Variants in ABHD16A observed in about 807,000 individuals in gnomAD.
The protein encoded by ABHD16A is phosphatidylserine lipase ABHD16A.
ABHD16A carries 47 observed loss-of-function variants against 89.8 expected under a neutral mutation model. The ratio of observed to expected loss-of-function variants is 0.52; its 90% CI spans 0.41 to 0.67. The LOEUF (loss-of-function observed/expected upper bound fraction) is 0.67, where lower values mean the gene tolerates loss of function less well. Among genes scored for constraint, ABHD16A ranks in the 30% least tolerant of loss-of-function variants. The pLI is 0.00. For missense variants in ABHD16A, 580 were observed against 734.6 expected (o/e 0.79, Z 2.43); for synonymous variants, 251 against 280.4 (o/e 0.90, Z 1.05).
At chr6:31,701,367 A>T in intron 2 of ABHD16A, 27 bp from the exon 3 acceptor site, 1 of 1,535,566 alleles carries the variant, frequency 6.5e-7, no homozygotes, top group African/African-American at 1.7e-5. Context: ...GGGACAGGCA[A>T]TCAATACACA....
In ABHD16A at chr6:31,689,562, A is replaced by G; in HGVS notation, c.1081+19T>C. ...GTCATGAATGTGTCTACAGTGGGGG[A>G]TGGGAGGGAGGCTGGTACCAGTGAA... is the stretch of plus-strand genomic sequence containing the variant. On this transcript the variant is annotated intron_variant, in intron 12 of 19. Coordinates refer to ENST00000395952, the MANE Select transcript of ABHD16A (RefSeq NM_021160.3). 1 of 1,566,406 alleles carries G rather than the reference A, an allele frequency of 6.4e-7. No homozygotes were observed. Among genetic ancestry groups the G allele is most frequent in the Non-Finnish European group, 8.6e-7 (1 of 1,156,254 alleles).
chr6:31,694,257 A>G (rs9469036), intron 5 of ABHD16A, among the ~76,000 whole-genome samples: 3,117 of 151,110 alleles, frequency 0.021, 80 homozygotes, highest in African/African-American at 0.058. Context: ...AGGTCTTACT[A>G]TGTTGCCCAG....
At chr6:31,691,957 A>G (rs1204504515) in intron 7 of ABHD16A, 39 bp from the exon 8 acceptor site, 1 of 1,506,732 alleles carries the variant, frequency 6.6e-7, no homozygotes, top group Non-Finnish European at 9.0e-7. Context: ...AACCCTGTTG[A>G]GGCCTGGGGA....
intron 11 of ABHD16A, 31 bp from the exon 12 acceptor site, chr6:31,689,735 G>A: frequency 6.3e-7 from 1 of 1,592,300 alleles, no homozygotes; most frequent in Non-Finnish European, 8.6e-7. Flanking sequence ...TCAGGAGTGT[G>A]TCAGCACCAA....
chr6:31,692,930 T>A (rs1804034437), intron 7 of ABHD16A, 97 bp downstream of exon 7: 1 of 1,528,530 alleles, frequency 6.5e-7, no homozygotes, highest in African/African-American at 1.4e-5. Context: ...CTAGGCCCAA[T>A]GAGTGACAGC....
Position 31,688,537 on chromosome 6 carries a change from G to T in ABHD16A, c.1250+186C>A. On this transcript the variant is annotated intron_variant, in intron 14 of 19. Transcript: ENST00000395952. The surrounding 1 kb of genome is among the most constrained non-coding windows in gnomAD (Gnocchi z 4.9). ...CTTAACCCTTTGGTTGCCAGATCCT[G>T]AGGTGGTCCAGAGTCCCAGGGGACC... 2.4e-6 allele frequency: 2 copies of T among 827,478 alleles called. No homozygotes were observed. The highest frequency in any genetic ancestry group is 1.9e-6 in the Non-Finnish European group (1 of 532,364). 51.3% of individuals were successfully genotyped at this position (827,478 alleles called of 1,614,324 possible).
intron 1 of ABHD16A, chr6:31,702,808 C>T: frequency 2.1e-6 from 3 of 1,423,068 alleles, no homozygotes; most frequent in Non-Finnish European, 2.8e-6. Flanking sequence ...AGTCTGACAG[C>T]AAAATTCAAC....
Position 31,688,523 on chromosome 6 carries a change from G to T in ABHD16A, c.1250+200C>A. 1.3e-6 allele frequency: 1 copy of T among 796,636 alleles called. No homozygotes were observed. The highest frequency in any genetic ancestry group is 2.0e-6 in the Non-Finnish European group (1 of 506,316). 49.3% of individuals were successfully genotyped at this position (796,636 alleles called of 1,614,324 possible). Reference sequence around the variant, plus strand: ...CTGCCGTGCCAGGCCTTAACCCTTTGGTTGCCAGATCCTGAGGTGGTCCAG... The same window carrying T: ...CTGCCGTGCCAGGCCTTAACCCTTTTGTTGCCAGATCCTGAGGTGGTCCAG... On this transcript the variant is annotated intron_variant, in intron 14 of 19. Coordinates refer to ENST00000395952, the MANE Select transcript of ABHD16A (RefSeq NM_021160.3). This position sits in a 1 kb window ranked among gnomAD's most constrained non-coding sequence, Gnocchi z 4.9.
chr6:31,691,847 A>C lies in ABHD16A; in HGVS notation c.698T>G (p.Leu233Arg), dbSNP rs1803913993. The stretch of plus-strand genomic sequence containing the variant: ...CTGGCCCTGCAGCAGCACAGGCATG[A>C]GGGCCTTCTGCAGCAGGTACACAGA... ...PGSVYLLQKA[L>R]MPVLLQGQAR... Residue 233 changes from leucine (L) to arginine (R), a missense_variant, in exon 8 of 20, where the codon CTC becomes CGC. By Grantham distance (102) the Leu-to-Arg change is moderately radical. Around this residue, in one of 2 missense-constraint regions of ABHD16A, gnomAD observed 415 missense variants for 568.8 expected, o/e 0.73. Transcript: ENST00000395952. The C allele has an allele frequency of 6.2e-7, 1 of 1,611,824 alleles. No homozygotes were observed. The highest frequency in any genetic ancestry group is 8.5e-7 in the Non-Finnish European group (1 of 1,179,802).
intron 5 of ABHD16A, among the ~76,000 whole-genome samples, chr6:31,696,646 A>G (rs1319517094): frequency 6.6e-6 from 1 of 151,900 alleles, no homozygotes; most frequent in Admixed American, 6.6e-5. Flanking sequence ...AAAAAAAAAA[A>G]GAAAAAGAAA....
Position 31,703,290 on chromosome 6 carries a change from C to T in ABHD16A, c.-9G>A. 1 of 1,343,604 alleles carries T rather than the reference C, an allele frequency of 7.4e-7. No individual in the cohort carries two copies. Among genetic ancestry groups the T allele is most frequent in the Non-Finnish European group, 9.7e-7 (1 of 1,035,702 alleles). 83.2% of individuals were successfully genotyped at this position (1,343,604 alleles called of 1,614,324 possible). A position where few individuals can be genotyped will look rare whatever the true frequency, so the allele number is the denominator to read the frequency against. On this transcript the variant is annotated 5_prime_UTR_variant, in exon 1 of 20. Transcript: ENST00000395952. ...CTCAGCAGCTTCGCCATGGCCCCGG[C>T]TCGGGCCGCTGCTCTTCCAGCAGCA...
At position 31,693,904 on chromosome 6, in the gene ABHD16A, T is replaced by C. The variant is rs2151237680; in HGVS notation, c.430-472A>G. Reference sequence around the variant, plus strand: ...GAGAGGAGGGAAGTCACGCCCACAGTGGGCTCCTCTGCCATGTGGGGCCAC... The same window carrying C: ...GAGAGGAGGGAAGTCACGCCCACAGCGGGCTCCTCTGCCATGTGGGGCCAC... On this transcript the variant is annotated intron_variant, in intron 5 of 19. Coordinates refer to ENST00000395952, the MANE Select transcript of ABHD16A (RefSeq NM_021160.3). The surrounding 1 kb of genome is among the most constrained non-coding windows in gnomAD (Gnocchi z 5.0). Among the ~76,000 whole-genome samples the C allele has an allele frequency of 6.6e-6, 1 of 152,328 alleles. No individual in the cohort carries two copies. The highest frequency in any genetic ancestry group is 2.4e-5 in the African/African-American group (1 of 41,574).
rs2151231096 is a variant in ABHD16A at position 31,691,587 on chromosome 6, G to A, written c.835C>T (p.Gln279Ter). ...DRRGTAEPQG[Q>*]KLVICCEGNA... ...TCTCTGCTCCCTCTTACCAGCTTCT[G>A]TCCCTGGGGCTCAGCTGTCCCCCGC... Residue 279 changes from glutamine (Q) to a stop codon, truncating the protein, a stop_gained, in exon 9 of 20, where the codon CAG becomes TAG. Coordinates refer to ENST00000395952, the MANE Select transcript of ABHD16A (RefSeq NM_021160.3). LOFTEE classifies it high-confidence loss of function. The A allele has an allele frequency of 1.9e-6, 3 of 1,612,914 alleles. No homozygotes were observed. Among genetic ancestry groups the A allele is most frequent in the Non-Finnish European group, 2.5e-6 (3 of 1,180,002 alleles).
chr6:31,690,254 G>C lies in ABHD16A; in HGVS notation c.908-127C>G. 6 of 911,758 alleles carry C rather than the reference G, an allele frequency of 6.6e-6. No individual in the cohort carries two copies. Among genetic ancestry groups the C allele is most frequent in the Non-Finnish European group, 9.9e-6 (6 of 609,102 alleles). 56.5% of individuals were successfully genotyped at this position (911,758 alleles called of 1,614,324 possible). A position where few individuals can be genotyped will look rare whatever the true frequency, so the allele number is the denominator to read the frequency against. On this transcript the variant is annotated intron_variant, in intron 10 of 19. Transcript: ENST00000395952. This position sits in a 1 kb window ranked among gnomAD's most constrained non-coding sequence, Gnocchi z 4.1. ...ATAACTCCAAGCCTTCCCAGAAATA[G>C]GAGATGACACCAGAGGTTCTGAGGC...
Position 31,691,667 on chromosome 6 carries a change from C to A in ABHD16A, c.755G>T (p.Arg252Leu). 1 of 1,604,772 alleles carries A rather than the reference C, an allele frequency of 6.2e-7. No homozygotes were observed. The highest frequency in any genetic ancestry group is 8.5e-7 in the Non-Finnish European group (1 of 1,177,584). ...ARLVEECNGR[R>L]AKLLACDGNE... ...GCCATCACAGGCCAGCAGCTTTGCC[C>A]GGCGCCCATTACACTGAGTACGGAA... Residue 252 changes from arginine (R) to leucine (L), a missense_variant, in exon 9 of 20, where the codon CGG becomes CTG. Physicochemically the swap from Arg to Leu is moderately radical, Grantham distance 102. This residue lies in a region of ABHD16A where 415 missense variants were observed against 568.8 expected (regional missense o/e 0.73). Coordinates refer to ENST00000395952, the MANE Select transcript of ABHD16A (RefSeq NM_021160.3).
chr6:31,689,529 G>T, intron 12 of ABHD16A, 52 bp downstream of exon 12: 3 of 1,498,420 alleles, frequency 2.0e-6, no homozygotes, highest in African/African-American at 1.4e-5. Context: ...CCCGGGTGGG[G>T]CTGGGTGGTC....
chr6:31,693,539 T>C lies in ABHD16A; in HGVS notation c.430-107A>G. ...CCAGGGGTCTGATCCCCACACATCA[T>C]GGGGAAACCAAGCGGAGGTCAATAC... On this transcript the variant is annotated intron_variant, in intron 5 of 19. Transcript: ENST00000395952. The surrounding 1 kb of genome is among the most constrained non-coding windows in gnomAD (Gnocchi z 5.0). The C allele has an allele frequency of 2.8e-6, 3 of 1,071,920 alleles. No homozygotes were observed. Among genetic ancestry groups the C allele is most frequent in the Non-Finnish European group, 2.8e-6 (2 of 718,230 alleles). 66.4% of individuals were successfully genotyped at this position (1,071,920 alleles called of 1,614,324 possible). A position where few individuals can be genotyped will look rare whatever the true frequency, so the allele number is the denominator to read the frequency against.
chr6:31,691,366 A>C (rs1803860737), intron 9 of ABHD16A: 1 of 555,730 alleles, frequency 1.8e-6, no homozygotes, highest in Non-Finnish European at 3.2e-6. Context: ...GGTAACTATT[A>C]ATATTAGTTT....
In ABHD16A at chr6:31,698,774, C is replaced by T. The variant is rs1266074; in HGVS notation, c.344-1741G>A. Among the ~76,000 whole-genome samples the T allele has an allele frequency of 0.14, 21,800 of 152,002 alleles. 2,702 individuals carry two copies. Among genetic ancestry groups the T allele is most frequent in the African/African-American group, 0.33 (13,544 of 41,384 alleles). ...AGGCCTCTCTGAGGAGAGAGCCCAG[C>T]CCTGCAGAGATCAGGGGGCAGAACA... is the stretch of plus-strand genomic sequence containing the variant. On this transcript the variant is annotated intron_variant, in intron 4 of 19. Coordinates refer to ENST00000395952, the MANE Select transcript of ABHD16A (RefSeq NM_021160.3). This position sits in a 1 kb window ranked among gnomAD's most constrained non-coding sequence, Gnocchi z 4.1.
Sources: gnomAD v4.1 joint callset for allele counts (sites outside exome capture counted in the v4.1 genomes callset) on GRCh38, gnomAD v4.1.1 for gene constraint, gnomAD v4.1.1 regional missense constraint, Gnocchi (gnomAD v3.1) non-coding constraint, MANE v1.5 for transcripts, NCBI Gene and HGNC (gene_info 2026-07-23, HGNC 2026-07-21) for gene names.